The following GRM1 variants were observed in gnomAD, a reference collection of about 807,000 sequenced individuals.
GRM1 encodes the protein glutamate metabotropic receptor 1.
A neutral mutation model predicts 90.9 loss-of-function variants in GRM1; 33 were observed. That is an observed-to-expected ratio of 0.36 (90% confidence interval 0.28 to 0.49). GRM1 has a LOEUF of 0.49. GRM1 is among the 20% of genes least tolerant of loss of function. The pLI is 0.99. For missense variants in GRM1, 1,190 were observed against 1,534.3 expected (o/e 0.78, Z 3.75); for synonymous variants, 700 against 613.2 (o/e 1.14, Z -2.09).
chr6:146,369,578 T>C (rs2115088494), intron 5 of GRM1, among the ~76,000 whole-genome samples: 1 of 152,064 alleles, frequency 6.6e-6, no homozygotes, highest in East Asian at 1.9e-4. Context: ...CATGGACCTA[T>C]TGGTCATTCA....
At chr6:146,418,844 A>G (rs1316314865) in intron 7 of GRM1, among the ~76,000 whole-genome samples, 10 of 152,164 alleles carry the variant, frequency 6.6e-5, no homozygotes, top group Non-Finnish European at 2.9e-5. Context: ...TTATGGCTTA[A>G]TTATAAAGAA....
chr6:146,185,230 C>G (rs1219359082), intron 2 of GRM1, among the ~76,000 whole-genome samples: 1 of 152,190 alleles, frequency 6.6e-6, no homozygotes, highest in Non-Finnish European at 1.5e-5. Context: ...CATTAACTTC[C>G]TCTCACAGTC....
At chr6:146,415,986 G>T (rs990627315) in intron 7 of GRM1, among the ~76,000 whole-genome samples, 2 of 152,112 alleles carry the variant, frequency 1.3e-5, no homozygotes, top group Non-Finnish European at 2.9e-5. Flanking sequence ...GGTCTACTTT[G>T]TCTGACATTA....
intron 7 of GRM1, among the ~76,000 whole-genome samples, chr6:146,432,164 T>C (rs1448290838): frequency 2.0e-5 from 3 of 152,222 alleles, no homozygotes; most frequent in Non-Finnish European, 4.4e-5. Context: ...TTGAAAGAAA[T>C]ATTAACTTTG....
chr6:146,286,766 C>G (rs1782780249), intron 2 of GRM1, among the ~76,000 whole-genome samples: 1 of 152,198 alleles, frequency 6.6e-6, no homozygotes, highest in African/African-American at 2.4e-5. Context: ...ATGACCTCCA[C>G]AAGTTACAAA....
intron 1 of GRM1, among the ~76,000 whole-genome samples, chr6:146,047,535 C>A (rs141466166): frequency 9.1e-4 from 136 of 150,000 alleles, no homozygotes; most frequent in Admixed American, 2.4e-3. Context: ...AAGCTGGTTT[C>A]TCAGCTGTGA....
rs550570356 is a variant in GRM1, at chr6:146,318,435, G to C, written c.1186+13589G>C. ...GCATTTGGGTTGGTTCCGAGTCTTT[G>C]CTATTGTGAAAAGTGCTGCAATAAA... On this transcript the variant is annotated intron_variant, in intron 3 of 7. Coordinates refer to ENST00000282753, the MANE Select transcript of GRM1 (RefSeq NM_001278064.2). Among the ~76,000 whole-genome samples, 70 of 152,228 alleles carry C rather than the reference G, an allele frequency of 4.6e-4. 1 individual carries two copies. Among genetic ancestry groups the C allele is most frequent in the Admixed American group, 3.4e-3 (52 of 15,298 alleles).
intron 2 of GRM1, among the ~76,000 whole-genome samples, chr6:146,217,745 T>A (rs921829231): frequency 1.3e-5 from 2 of 152,138 alleles, no homozygotes; most frequent in Non-Finnish European, 2.9e-5. Flanking sequence ...TAGATAACAT[T>A]CTTAATTACA....
chr6:146,230,643 T>C (rs1020563459), intron 2 of GRM1, among the ~76,000 whole-genome samples: 3 of 152,060 alleles, frequency 2.0e-5, no homozygotes, highest in Admixed American at 2.0e-4. Flanking sequence ...TACCGTGCAA[T>C]CTAGCAGTCA....
chr6:146,435,506 T>TC lies in GRM1; in HGVS notation c.*713dup, dbSNP rs1778567720. ...ATGGACCCCCTGCTGCTCTGCAGATTCCCTTTATTTAGGAAAACAGGAATA... is the reference window on the plus strand; with the variant it reads ...ATGGACCCCCTGCTGCTCTGCAGATTCCCCTTTATTTAGGAAAACAGGAATA... On this transcript the variant is annotated 3_prime_UTR_variant, in exon 8 of 8. Transcript: ENST00000282753. The TC allele has an allele frequency of 6.5e-6, 1 of 152,976 alleles. No individual in the cohort carries two copies. The highest frequency in any genetic ancestry group is 6.5e-5 in the Admixed American group (1 of 15,424). The allele number at this position is 152,976 out of a possible 1,614,324, so 9.5% of individuals were successfully genotyped here.
chr6:146,277,940 A>G (rs1282313427), intron 2 of GRM1, among the ~76,000 whole-genome samples: 1 of 152,180 alleles, frequency 6.6e-6, no homozygotes, highest in Non-Finnish European at 1.5e-5. Context: ...TTAAAAGCTT[A>G]ATAGTTAACT....
intron 1 of GRM1, among the ~76,000 whole-genome samples, chr6:146,067,252 G>T (rs762248558): frequency 6.6e-6 from 1 of 152,178 alleles, no homozygotes; most frequent in African/African-American, 2.4e-5. Flanking sequence ...AGTAGCACAT[G>T]AATTAGAAAC....
At chr6:146,064,333 T>A (rs1177332819) in intron 1 of GRM1, among the ~76,000 whole-genome samples, 3 of 152,222 alleles carry the variant, frequency 2.0e-5, no homozygotes, top group African/African-American at 7.2e-5. Context: ...TACCTGGTTT[T>A]CATCTTAATA....
At chr6:146,352,526 C>A (rs758631103) in intron 4 of GRM1, 30 bp downstream of exon 4, 6 of 1,609,688 alleles carry the variant, frequency 3.7e-6, no homozygotes, top group African/African-American at 1.3e-5. Context: ...ATCTAAGTAA[C>A]CTTGTGAGCC....
chr6:146,208,463 A>T (rs1216435504), intron 2 of GRM1, among the ~76,000 whole-genome samples: 1 of 152,184 alleles, frequency 6.6e-6, no homozygotes, highest in Non-Finnish European at 1.5e-5. Flanking sequence ...AACATTGGTT[A>T]TTCATACAGA....
rs77801891 is a variant in GRM1, at chr6:146,407,442, T to C, written c.2660+7743T>C. ...TGAGACAGACCATGGGCACCTATTA[T>C]GCTATATCTTCAAAGAGAACATAAT... is the stretch of plus-strand genomic sequence containing the variant. On this transcript the variant is annotated intron_variant, in intron 7 of 7. Transcript: ENST00000282753. 7.0e-3 allele frequency among the ~76,000 whole-genome samples: 1,073 copies of C among 152,354 alleles called. 15 individuals are homozygous for C. The highest frequency in any genetic ancestry group is 0.025 in the African/African-American group (1,036 of 41,578).
intron 3 of GRM1, among the ~76,000 whole-genome samples, chr6:146,349,133 C>G (rs993625413): frequency 1.5e-4 from 22 of 150,360 alleles, no homozygotes. Flanking sequence ...GTGGCGCGAT[C>G]TCGGCTCACT....
chr6:146,358,318 G>T (rs1452669141), intron 5 of GRM1, among the ~76,000 whole-genome samples: 3 of 152,176 alleles, frequency 2.0e-5, no homozygotes, highest in Non-Finnish European at 4.4e-5. Flanking sequence ...TCGGCGGGGT[G>T]TGCTAAAGAG....
At chr6:146,415,923 T>G (rs961252086) in intron 7 of GRM1, among the ~76,000 whole-genome samples, 1 of 152,206 alleles carries the variant, frequency 6.6e-6, no homozygotes, top group Non-Finnish European at 1.5e-5. Context: ...AATCAAACCC[T>G]GAATTTCTAA....
Sources: allele counts gnomAD v4.1 joint callset (sites outside exome capture counted in the v4.1 genomes callset), GRCh38; gene constraint gnomAD v4.1.1; transcripts MANE v1.5; gene names NCBI Gene and HGNC (gene_info 2026-07-23, HGNC 2026-07-21).